Variants in TENM1 observed in about 807,000 individuals in gnomAD.
TENM1 encodes teneurin transmembrane protein 1.
TENM1 carries 35 observed loss-of-function variants against 174.8 expected under a neutral mutation model. The observed-to-expected ratio is 0.20, with a 90% CI of 0.15 to 0.27. The LOEUF is 0.27. Among genes scored for constraint, TENM1 ranks in the 10% least tolerant of loss-of-function variants. TENM1 has a pLI of 1.00. For missense variants in TENM1, 1,633 were observed against 2,130.1 expected, an observed-to-expected ratio of 0.77 and a Z score of 4.59; for synonymous variants, 781 against 798.7, an observed-to-expected ratio of 0.98 and a Z score of 0.37.
At chrX:124,657,573 C>T (rs1281459400) in intron 6 of TENM1, among the ~76,000 whole-genome samples, 2 of 111,909 alleles carry the variant, frequency 1.8e-5, no homozygotes, top group Non-Finnish European at 3.8e-5. Flanking sequence ...TTACTAATGA[C>T]ATTGTTCATA....
At chrX:125,065,808 T>G in the TENM1 span, among the ~76,000 whole-genome samples, 1 of 112,109 alleles carries the variant, frequency 8.9e-6, no homozygotes, top group Non-Finnish European at 1.9e-5. Flanking sequence ...ACTAAGATTT[T>G]AGTTGACTGT....
intron 17 of TENM1, among the ~76,000 whole-genome samples, chrX:124,522,179 G>A (rs1487259223): frequency 9.0e-6 from 1 of 111,573 alleles, no homozygotes; most frequent in East Asian, 2.8e-4. Flanking sequence ...GAAAAGATAA[G>A]GGGTAGCTCT....
the TENM1 span, among the ~76,000 whole-genome samples, chrX:125,173,234 C>A: frequency 9.0e-6 from 1 of 111,348 alleles, no homozygotes; most frequent in Non-Finnish European, 1.9e-5. Context: ...TGTTATCCCA[C>A]GAGAAATATA....
intron 3 of TENM1, among the ~76,000 whole-genome samples, chrX:124,808,430 A>C (rs1298155158): frequency 8.9e-6 from 1 of 111,876 alleles, no homozygotes; most frequent in Non-Finnish European, 1.9e-5. Flanking sequence ...TCAACCAGGC[A>C]GAAAATCAAT....
At chrX:124,647,730 G>GGTGTGTGTGTGTGTGT (rs113751818) in intron 8 of TENM1, among the ~76,000 whole-genome samples, 1 of 103,870 alleles carries the variant, frequency 9.6e-6, no homozygotes, top group African/African-American at 3.5e-5. Context: ...TTTTTTTTGT[G>GGTGTGTGTGTGTGTGT]GTGTGTGTGT....
Position 124,596,627 on chromosome X carries a change from C to T in TENM1, c.2078-31067G>A, listed in dbSNP as rs958448881. 3.6e-5 allele frequency among the ~76,000 whole-genome samples: 4 copies of T among 111,323 alleles called. No individual in the cohort carries two copies. The East Asian group carries it at 8.5e-4, about 24-fold the overall frequency. On this transcript the variant is annotated intron_variant, in intron 11 of 31. Coordinates refer to ENST00000422452, the Ensembl canonical transcript of TENM1. ...GAAAACTACAGGATGAATGGGCAAA[C>T]GTATGTGGCGATGGGGAAATGAAAT... is the stretch of plus-strand genomic sequence containing the variant.
At chrX:124,918,387 C>T (rs2057963570) in intron 1 of TENM1, among the ~76,000 whole-genome samples, 1 of 110,052 alleles carries the variant, frequency 9.1e-6, no homozygotes, top group African/African-American at 3.3e-5. Context: ...ACCATGCTGG[C>T]CAGGCTGGTA....
intron 4 of TENM1, among the ~76,000 whole-genome samples, chrX:124,728,731 C>T (rs1013815303): frequency 1.8e-5 from 2 of 111,250 alleles, no homozygotes; most frequent in Non-Finnish European, 3.8e-5. Flanking sequence ...CCTTTGCTTC[C>T]CCTACTACAG....
At chrX:125,123,844 C>G in the TENM1 span, among the ~76,000 whole-genome samples, 3 of 112,434 alleles carry the variant, frequency 2.7e-5, no homozygotes, top group African/African-American at 9.7e-5. Context: ...AACAGTACTA[C>G]ACAGATTTAC....
At chrX:124,935,645 C>T (rs1276075139) in intron 1 of TENM1, among the ~76,000 whole-genome samples, 1 of 112,985 alleles carries the variant, frequency 8.9e-6, no homozygotes, top group African/African-American at 3.2e-5. Flanking sequence ...TCAATTAAAG[C>T]ATGACATTCA....
At chrX:125,125,704 C>T in the TENM1 span, among the ~76,000 whole-genome samples, 3 of 111,718 alleles carry the variant, frequency 2.7e-5, no homozygotes, top group South Asian at 3.7e-4. Context: ...CCCTTCATGA[C>T]GACCTTGATG....
the TENM1 span, among the ~76,000 whole-genome samples, chrX:125,034,431 A>C: frequency 3.6e-4 from 40 of 111,574 alleles, no homozygotes; most frequent in Non-Finnish European, 5.6e-4. Context: ...TGTGCCTTTA[A>C]GTACCAGGGG....
intron 3 of TENM1, among the ~76,000 whole-genome samples, chrX:124,856,183 C>T (rs1458252910): frequency 4.5e-5 from 5 of 110,668 alleles, no homozygotes; most frequent in Admixed American, 1.9e-4. Flanking sequence ...AGAAGTGAGT[C>T]ATATGAGAAA....
At chrX:124,849,249 T>C (rs2147391239) in intron 3 of TENM1, among the ~76,000 whole-genome samples, 1 of 111,349 alleles carries the variant, frequency 9.0e-6, no homozygotes, top group South Asian at 3.8e-4. Flanking sequence ...GGCCACCATA[T>C]TTATGCCATT....
rs58386633 is a variant in TENM1 at position 124,690,484 on chromosome X, AGTGTGTGTGT to A, written c.1015+14519_1015+14528del. 6.5e-3 allele frequency among the ~76,000 whole-genome samples: 612 copies of A among 93,474 alleles called. 5 individuals are homozygous for A. Among genetic ancestry groups the A allele is most frequent in the African/African-American group, 0.022 (560 of 25,730 alleles). 81.2% of individuals were successfully genotyped at this position (93,474 alleles called of 115,157 possible). A position where few individuals can be genotyped will look rare whatever the true frequency, so the allele number is the denominator to read the frequency against. On this transcript the variant is annotated intron_variant, in intron 5 of 31. Coordinates refer to ENST00000422452, the Ensembl canonical transcript of TENM1. ...TAGATTTTATAACCTGCTTTGTTAG[AGTGTGTGTGT>A]GTGTGTGTGTGTGTGTGTGTGTGTG...
chrX:125,107,863 A>T, the TENM1 span, among the ~76,000 whole-genome samples: 1 of 111,919 alleles, frequency 8.9e-6, no homozygotes, highest in African/African-American at 3.2e-5. Flanking sequence ...AACTTTATAC[A>T]TTCCCCCTGG....
At chrX:124,896,007 T>C in exon 2 of TENM1, 2 of 1,211,534 alleles carry the variant, frequency 1.7e-6, no homozygotes, top group Non-Finnish European at 2.2e-6. Context: ...CTTCCTTTCA[T>C]GGTCAGTGTC....
chrX:124,929,245 C>T lies in TENM1; in HGVS notation c.218-33004G>A, dbSNP rs182581046. ...ACATCCTAAAATACTCACCCTCCCTCGAATGTGGCATTTGATTAAATATAG... is the reference window on the plus strand; with the variant it reads ...ACATCCTAAAATACTCACCCTCCCTTGAATGTGGCATTTGATTAAATATAG... On this transcript the variant is annotated intron_variant, in intron 1 of 31. Transcript: ENST00000422452. 6.0e-3 allele frequency among the ~76,000 whole-genome samples: 669 copies of T among 111,779 alleles called. 5 individuals are homozygous for T. Among genetic ancestry groups the T allele is most frequent in the African/African-American group, 0.021 (642 of 30,748 alleles).
chrX:125,175,638 T>G, the TENM1 span, among the ~76,000 whole-genome samples: 2 of 110,977 alleles, frequency 1.8e-5, no homozygotes, highest in African/African-American at 6.5e-5. Context: ...GGGCTTACAC[T>G]AGAGTTCAGT....
Sources: allele counts gnomAD v4.1 joint callset (sites outside exome capture counted in the v4.1 genomes callset), GRCh38; gene constraint gnomAD v4.1.1; transcripts MANE v1.5; gene names NCBI Gene and HGNC (gene_info 2026-07-23, HGNC 2026-07-21).